Variants in NEBL observed in about 807,000 individuals in gnomAD.
NEBL encodes nebulette.
Under a neutral mutation model 140.2 loss-of-function variants are expected in NEBL, and 122 were observed. The observed-to-expected ratio is 0.87, with a 90% CI of 0.75 to 1.01. The LOEUF is 1.01. Among genes scored for constraint, NEBL ranks in the 50% least tolerant of loss-of-function variants. The pLI is 0.00. For synonymous variants in NEBL, 436 were observed against 398.9 expected (o/e 1.09, Z -1.11); for missense variants, 1,365 against 1,231.3 (o/e 1.11, Z -1.62).
intron 17 of NEBL, among the ~76,000 whole-genome samples, chr10:20,826,880 A>G (rs1238087732): frequency 6.6e-6 from 1 of 152,228 alleles, no homozygotes; most frequent in East Asian, 1.9e-4. Flanking sequence ...GAAAAAGCAG[A>G]TATTACAAAA....
chr10:20,985,976 G>A (rs549389167), intron 3 of NEBL, among the ~76,000 whole-genome samples: 26 of 152,156 alleles, frequency 1.7e-4, no homozygotes, highest in African/African-American at 6.3e-4. Flanking sequence ...ATCCCTTTAG[G>A]TTAAGGGGAT....
intron 2 of NEBL, among the ~76,000 whole-genome samples, chr10:21,084,845 T>C (rs1836551349): frequency 6.6e-6 from 1 of 152,184 alleles, no homozygotes; most frequent in Non-Finnish European, 1.5e-5. Context: ...CTGCCAAGAC[T>C]CAACATGACT....
At chr10:20,853,725 C>A (rs1256879849) in intron 9 of NEBL, among the ~76,000 whole-genome samples, 1 of 152,102 alleles carries the variant, frequency 6.6e-6, no homozygotes, top group African/African-American at 2.4e-5. Context: ...TGGCTACCAG[C>A]AGCTGGGAAG....
intron 2 of NEBL, among the ~76,000 whole-genome samples, chr10:21,062,893 C>T (rs1347561682): frequency 6.6e-6 from 1 of 151,792 alleles, no homozygotes; most frequent in Admixed American, 6.6e-5. Flanking sequence ...AGTCTACAGA[C>T]GAGTGTACCC....
chr10:20,891,676 ACT>A (rs770818694), intron 2 of NEBL, among the ~76,000 whole-genome samples: 10 of 151,820 alleles, frequency 6.6e-5, no homozygotes, highest in Non-Finnish European at 1.2e-4. Context: ...TTAATTGTAG[ACT>A]CTATTTTTTT....
intron 16 of NEBL, 121 bp from the exon 17 acceptor site, chr10:20,828,755 C>G (rs1179099260): frequency 8.8e-6 from 6 of 680,332 alleles, no homozygotes; most frequent in Non-Finnish European, 1.6e-5. Flanking sequence ...TTTTTACTGA[C>G]TTACACTCCC....
At chr10:20,899,426 A>G (rs1254391650), upstream of NEBL, 9 of 1,303,796 alleles carry the variant, frequency 6.9e-6, no homozygotes, top group Non-Finnish European at 9.1e-6. Flanking sequence ...ATCACGTAAT[A>G]TGTTCTTAGG....
intron 1 of NEBL, among the ~76,000 whole-genome samples, chr10:21,267,764 A>G (rs1162893858): frequency 6.6e-6 from 1 of 152,242 alleles, no homozygotes; most frequent in Non-Finnish European, 1.5e-5. Context: ...AAAATTAAAT[A>G]AAATCAAAAA....
At chr10:20,913,654 A>G (rs1263238011) in intron 4 of NEBL, among the ~76,000 whole-genome samples, 1 of 152,202 alleles carries the variant, frequency 6.6e-6, no homozygotes, top group Admixed American at 6.5e-5. Context: ...CTTTTCCAGC[A>G]TCAGATGGTA....
At chr10:21,047,346 C>T (rs1026174650) in intron 2 of NEBL, among the ~76,000 whole-genome samples, 1 of 152,164 alleles carries the variant, frequency 6.6e-6, no homozygotes. Flanking sequence ...AGCTCTGTGC[C>T]CTAGGACAGT....
At chr10:21,080,238 CTAAA>C (rs1271805731) in intron 2 of NEBL, among the ~76,000 whole-genome samples, 2 of 152,234 alleles carry the variant, frequency 1.3e-5, no homozygotes, top group Non-Finnish European at 2.9e-5. Flanking sequence ...TCATCACTTT[CTAAA>C]TAGATACTTT....
chr10:20,837,181 A>G (rs1840982579), intron 13 of NEBL, among the ~76,000 whole-genome samples: 1 of 152,210 alleles, frequency 6.6e-6, no homozygotes, highest in Non-Finnish European at 1.5e-5. Flanking sequence ...CACAGGCCCA[A>G]AGCTAGGACT....
At chr10:21,012,037 T>C (rs1045978258) in intron 3 of NEBL, among the ~76,000 whole-genome samples, 3 of 152,144 alleles carry the variant, frequency 2.0e-5, no homozygotes, top group Non-Finnish European at 4.4e-5. Flanking sequence ...TGGGAATACA[T>C]TTTGTGGGGT....
intron 2 of NEBL, among the ~76,000 whole-genome samples, chr10:21,154,224 C>T (rs1564529649): frequency 6.6e-6 from 1 of 151,864 alleles, no homozygotes; most frequent in South Asian, 2.1e-4. Context: ...TTTGGAAGGC[C>T]GAAGCAGGAA....
chr10:21,136,986 C>A (rs1306481749), intron 2 of NEBL, among the ~76,000 whole-genome samples: 1 of 152,140 alleles, frequency 6.6e-6, no homozygotes, highest in East Asian at 1.9e-4. Flanking sequence ...TTTCTGGTGA[C>A]TTCCCTGACT....
intron 3 of NEBL, among the ~76,000 whole-genome samples, chr10:20,996,777 C>T (rs1837685275): frequency 6.6e-6 from 1 of 152,116 alleles, no homozygotes; most frequent in South Asian, 2.1e-4. Context: ...TTTTTGATAT[C>T]CCTCAATATC....
chr10:20,866,971 T>C (rs137913074), intron 7 of NEBL, among the ~76,000 whole-genome samples: 34 of 152,206 alleles, frequency 2.2e-4, no homozygotes, highest in African/African-American at 7.5e-4. Context: ...ATAAATTCCT[T>C]TTCAAGAATG....
intron 2 of NEBL, among the ~76,000 whole-genome samples, chr10:21,083,977 C>T (rs939032831): frequency 1.3e-5 from 2 of 152,292 alleles, no homozygotes; most frequent in Middle Eastern, 3.4e-3. Context: ...TCTCATTTGT[C>T]CCCAGAGAGT....
intron 1 of NEBL, among the ~76,000 whole-genome samples, chr10:21,271,588 C>T (rs558351743): frequency 7.2e-4 from 107 of 149,054 alleles, no homozygotes; most frequent in Non-Finnish European, 1.4e-3. Flanking sequence ...TGCAATATTA[C>T]GATCTCGGCT....
Sources: allele counts gnomAD v4.1 joint callset (sites outside exome capture counted in the v4.1 genomes callset), GRCh38; gene constraint gnomAD v4.1.1; transcripts MANE v1.5; gene names NCBI Gene and HGNC (gene_info 2026-07-23, HGNC 2026-07-21).